Variants in RGSL1 observed in about 807,000 individuals in gnomAD.
The protein encoded by RGSL1 is regulator of G protein signaling like 1.
RGSL1 carries 97 observed loss-of-function variants against 124.7 expected under a neutral mutation model. The observed-to-expected ratio is 0.78, with a 90% CI of 0.66 to 0.92. RGSL1 has a LOEUF of 0.92. Among genes scored for constraint, RGSL1 ranks in the 40% least tolerant of loss-of-function variants. RGSL1 has a pLI of 0.00. For synonymous variants in RGSL1, 424 were observed against 438.1 expected (o/e 0.97, Z 0.40); for missense variants, 1,233 against 1,288.4 (o/e 0.96, Z 0.66).
intron 6 of RGSL1, among the ~76,000 whole-genome samples, chr1:182,484,746 G>A (rs1193257464): frequency 1.3e-5 from 2 of 152,208 alleles, no homozygotes; most frequent in Admixed American, 1.3e-4. Flanking sequence ...TCCCCAGGAG[G>A]GAGTGTAGAG....
At chr1:182,480,942 T>C (rs1571533037) in intron 6 of RGSL1, among the ~76,000 whole-genome samples, 4 of 152,060 alleles carry the variant, frequency 2.6e-5, no homozygotes, top group Middle Eastern at 3.2e-3. Flanking sequence ...CCAAAACTTA[T>C]GGGATGCAGC....
chr1:182,525,966 T>C (rs1658710960), intron 10 of RGSL1, among the ~76,000 whole-genome samples: 3 of 152,038 alleles, frequency 2.0e-5, no homozygotes, highest in Non-Finnish European at 2.9e-5. Context: ...AGAAACAAAG[T>C]AGGCAACTTA....
upstream of RGSL1, chr1:182,449,257 T>C (rs1285879282): frequency 1.3e-5 from 2 of 152,224 alleles, no homozygotes; most frequent in African/African-American, 4.8e-5. Flanking sequence ...ATGCAGTATT[T>C]GGTCTTTATA....
intron 19 of RGSL1, 113 bp from the exon 20 acceptor site, chr1:182,554,514 A>G: frequency 2.4e-6 from 2 of 827,276 alleles, no homozygotes; most frequent in Non-Finnish European, 4.0e-6. Context: ...CAACCCCTAC[A>G]TTGGAGGTGT....
At position 182,472,531 on chromosome 1, in the gene RGSL1, T is replaced by C; in HGVS notation, c.437T>C (p.Val146Ala). Residue 146 changes from valine (V) to alanine (A), a missense_variant, in exon 5 of 22, where the codon GTG becomes GCG. Val to Ala is a moderately conservative substitution (Grantham distance 64). Coordinates refer to ENST00000294854, the MANE Select transcript of RGSL1 (RefSeq NM_001137669.2). ...RATHLQEGSR[V>A]VTLCNMNIKS... ...ACTCATCTGCAGGAGGGCTCCAGGG[T>C]GGTAACCCTCTGTAACATGAACATC... 1 of 1,543,382 alleles carries C rather than the reference T, an allele frequency of 6.5e-7. No individual in the cohort carries two copies. The highest frequency in any genetic ancestry group is 8.8e-7 in the Non-Finnish European group (1 of 1,141,772).
chr1:182,450,326 C>G (rs1285873777), intron 1 of RGSL1, 148 bp downstream of exon 1: 1 of 848,456 alleles, frequency 1.2e-6, no homozygotes, highest in Non-Finnish European at 1.9e-6. Context: ...CCTTCTCTTT[C>G]TCCTTCTTCC....
chr1:182,513,161 T>A (rs1406548556), intron 9 of RGSL1, among the ~76,000 whole-genome samples: 1 of 152,226 alleles, frequency 6.6e-6, no homozygotes. Flanking sequence ...TGATATCATT[T>A]TCCCCCTCTG....
At chr1:182,536,352 AACTTT>A (rs1484789321) in intron 14 of RGSL1, among the ~76,000 whole-genome samples, 4 of 152,148 alleles carry the variant, frequency 2.6e-5, no homozygotes, top group Non-Finnish European at 4.4e-5. Context: ...GTATATGTTA[AACTTT>A]ATAAGGAATT....
At chr1:182,502,856 G>A (rs933671070) in intron 9 of RGSL1, among the ~76,000 whole-genome samples, 2 of 152,016 alleles carry the variant, frequency 1.3e-5, no homozygotes, top group Non-Finnish European at 2.9e-5. Context: ...ATAGGTTTTG[G>A]CATGTAATGT....
intron 11 of RGSL1, among the ~76,000 whole-genome samples, chr1:182,528,557 A>G (rs1571661819): frequency 6.6e-6 from 1 of 152,226 alleles, no homozygotes; most frequent in Non-Finnish European, 1.5e-5. Context: ...CCATTCCAAA[A>G]GGGAGAAATT....
chr1:182,453,130 CT>C (rs1651984897), intron 1 of RGSL1, among the ~76,000 whole-genome samples: 1 of 152,190 alleles, frequency 6.6e-6, no homozygotes, highest in Non-Finnish European at 1.5e-5. Flanking sequence ...ACATTATCTT[CT>C]TGAATTAACT....
intron 1 of RGSL1, 129 bp downstream of exon 1, chr1:182,450,307 C>T (rs1651711131): frequency 3.1e-6 from 3 of 975,924 alleles, no homozygotes; most frequent in Non-Finnish European, 4.8e-6. Flanking sequence ...TTATTCATGC[C>T]TTTGTTTTCC....
At position 182,556,197 on chromosome 1, in the gene RGSL1, G is replaced by A. The variant is rs1660852466; in HGVS notation, c.*140G>A. On this transcript the variant is annotated 3_prime_UTR_variant, in exon 21 of 22. Transcript: ENST00000294854. Reference sequence around the variant, plus strand: ...AGAAGGGCAATGGGTTGACAGCCCAGATATGGCAGGACCAGACTGCAATGG... The same window carrying A: ...AGAAGGGCAATGGGTTGACAGCCCAAATATGGCAGGACCAGACTGCAATGG... The A allele has an allele frequency of 2.6e-6, 2 of 772,012 alleles. No homozygotes were observed. Among genetic ancestry groups the A allele is most frequent in the Non-Finnish European group, 4.2e-6 (2 of 474,944 alleles). The allele number at this position is 772,012 out of a possible 1,614,324, so 47.8% of individuals were successfully genotyped here.
At chr1:182,510,632 C>T (rs1239584224) in intron 9 of RGSL1, among the ~76,000 whole-genome samples, 1 of 37,092 alleles carries the variant, frequency 2.7e-5, no homozygotes, top group Non-Finnish European at 6.0e-5. Flanking sequence ...AGTCCAGCTT[C>T]GGCTCCACAT....
At position 182,530,984 on chromosome 1, in the gene RGSL1, C is replaced by A; in HGVS notation, c.2364+74C>A. ...CGTCTTGGGGGTAGGTTTTTAAATC[C>A]CCATTTTGCAAAGGAAGAATCTGAG... On this transcript the variant is annotated intron_variant, in intron 13 of 21. Transcript: ENST00000294854. The A allele has an allele frequency of 2.7e-6, 4 of 1,472,416 alleles. No homozygotes were observed. The East Asian group carries it at 7.6e-5, about 28-fold the overall frequency. 91.2% of individuals were successfully genotyped at this position (1,472,416 alleles called of 1,614,324 possible).
intron 21 of RGSL1, among the ~76,000 whole-genome samples, chr1:182,559,916 C>G (rs1200909965): frequency 6.6e-6 from 1 of 152,214 alleles, no homozygotes; most frequent in Non-Finnish European, 1.5e-5. Context: ...ACCTACTAGA[C>G]TACATGCTTT....
At chr1:182,460,167 T>TGA in intron 4 of RGSL1, 34 bp downstream of exon 4, 1 of 1,513,812 alleles carries the variant, frequency 6.6e-7, no homozygotes, top group Non-Finnish European at 8.8e-7. Context: ...TGTCTGTGTG[T>TGA]GTGTGTGTGT....
chr1:182,531,537 G>C (rs192346220), intron 13 of RGSL1, among the ~76,000 whole-genome samples: 3 of 152,148 alleles, frequency 2.0e-5, no homozygotes, highest in African/African-American at 7.2e-5. Context: ...AGCCCAGCTT[G>C]ATCTGACTCC....
At chr1:182,512,715 A>G (rs531558238) in intron 9 of RGSL1, among the ~76,000 whole-genome samples, 2 of 152,300 alleles carry the variant, frequency 1.3e-5, no homozygotes, top group African/African-American at 2.4e-5. Flanking sequence ...TCAGGTCACA[A>G]ACAGATTTGA....
Sources: gnomAD v4.1 joint callset for allele counts (sites outside exome capture counted in the v4.1 genomes callset) on GRCh38, gnomAD v4.1.1 for gene constraint, MANE v1.5 for transcripts, NCBI Gene and HGNC (gene_info 2026-07-23, HGNC 2026-07-21) for gene names.